Variants in SNCAIP observed in about 807,000 individuals in gnomAD.
SNCAIP encodes the protein synuclein alpha interacting protein.
Under a neutral mutation model 86.7 loss-of-function variants are expected in SNCAIP, and 43 were observed. That is an observed-to-expected ratio of 0.50 (90% CI 0.39 to 0.64). The LOEUF (loss-of-function observed/expected upper bound fraction) is 0.64. Among genes scored for constraint, SNCAIP ranks in the 30% least tolerant of loss-of-function variants. The pLI, the probability that SNCAIP is intolerant of heterozygous loss-of-function variation, is 0.00. For missense variants in SNCAIP, 981 were observed against 1,103.1 expected, an observed-to-expected ratio of 0.89 and a Z score of 1.57; for synonymous variants, 417 against 427.2, an observed-to-expected ratio of 0.98 and a Z score of 0.29.
intron 1 of SNCAIP, among the ~76,000 whole-genome samples, chr5:122,316,076 T>C (rs891887853): frequency 6.6e-6 from 1 of 152,142 alleles, no homozygotes; most frequent in African/African-American, 2.4e-5. Flanking sequence ...AAGAGATAAA[T>C]TGAATGTCAA....
chr5:122,374,216 G>C (rs952805933), intron 1 of SNCAIP, among the ~76,000 whole-genome samples: 15 of 152,142 alleles, frequency 9.9e-5, no homozygotes, highest in Non-Finnish European at 2.1e-4. Flanking sequence ...GAAATCCTTA[G>C]AGGGGCCAAG....
At chr5:122,462,613 C>T (rs533416925) in intron 10 of SNCAIP, among the ~76,000 whole-genome samples, 2 of 152,102 alleles carry the variant, frequency 1.3e-5, no homozygotes, top group African/African-American at 4.8e-5. Context: ...AAATATATTC[C>T]AGCACACTGA....
chr5:122,384,126 C>A (rs1005109815), intron 1 of SNCAIP, among the ~76,000 whole-genome samples: 1 of 152,110 alleles, frequency 6.6e-6, no homozygotes, highest in African/African-American at 2.4e-5. Flanking sequence ...GGAATTCTGA[C>A]CTAGATGGTT....
chr5:122,420,529 A>G (rs867981444), intron 3 of SNCAIP, among the ~76,000 whole-genome samples: 1 of 152,140 alleles, frequency 6.6e-6, no homozygotes, highest in Non-Finnish European at 1.5e-5. Context: ...GCAAAATATT[A>G]CTAAATATAC....
chr5:122,402,012 T>G (rs1771924550), intron 2 of SNCAIP, among the ~76,000 whole-genome samples: 1 of 152,100 alleles, frequency 6.6e-6, no homozygotes. Flanking sequence ...GAACAAACCT[T>G]AGTGAATTTT....
intron 5 of SNCAIP, among the ~76,000 whole-genome samples, chr5:122,430,531 T>G (rs531867655): frequency 2.6e-4 from 39 of 152,302 alleles, no homozygotes; most frequent in African/African-American, 8.4e-4. Context: ...TTGTCCATGG[T>G]CTTGCAACTA....
intron 9 of SNCAIP, among the ~76,000 whole-genome samples, 194 bp downstream of exon 9, chr5:122,450,131 T>G (rs530878780): frequency 6.6e-5 from 10 of 152,346 alleles, no homozygotes; most frequent in African/African-American, 2.4e-4. Flanking sequence ...ATTCTCTGAT[T>G]CTGCTATTTC....
At chr5:122,323,426 G>A (rs1753391215) in intron 1 of SNCAIP, 1 of 152,216 alleles carries the variant, frequency 6.6e-6, no homozygotes. Context: ...GATTTGGTGA[G>A]AAGGATGTGA....
At chr5:122,426,622 AAAAT>A (rs1310515588) in intron 5 of SNCAIP, among the ~76,000 whole-genome samples, 3 of 152,228 alleles carry the variant, frequency 2.0e-5, no homozygotes, top group Non-Finnish European at 4.4e-5. Context: ...TTTTTTAAAT[AAAAT>A]AAATCTATGA....
chr5:122,315,074 T>C (rs1265675768), intron 1 of SNCAIP, among the ~76,000 whole-genome samples: 1 of 152,256 alleles, frequency 6.6e-6, no homozygotes, highest in Non-Finnish European at 1.5e-5. Flanking sequence ...CAGTTATTCA[T>C]TGCTGGATAA....
intron 2 of SNCAIP, among the ~76,000 whole-genome samples, chr5:122,391,957 G>A (rs1014160108): frequency 9.2e-5 from 14 of 152,336 alleles, no homozygotes; most frequent in African/African-American, 3.1e-4. Flanking sequence ...GTGATGAGAA[G>A]GTTGCTGTTT....
chr5:122,369,537 T>C (rs1382984448), intron 1 of SNCAIP, among the ~76,000 whole-genome samples: 3 of 152,230 alleles, frequency 2.0e-5, no homozygotes, highest in Non-Finnish European at 2.9e-5. Context: ...CTGGCCCATA[T>C]AAATTCTCCC....
At chr5:122,415,998 T>C (rs922663275) in intron 3 of SNCAIP, among the ~76,000 whole-genome samples, 3 of 152,208 alleles carry the variant, frequency 2.0e-5, no homozygotes, top group African/African-American at 7.2e-5. Flanking sequence ...ACCCCACCAA[T>C]TGCTGTTCTA....
At chr5:122,387,545 G>A (rs975548802) in intron 1 of SNCAIP, among the ~76,000 whole-genome samples, 3 of 152,210 alleles carry the variant, frequency 2.0e-5, no homozygotes, top group Admixed American at 2.0e-4. Flanking sequence ...GGCCTCAGTA[G>A]GTTGGCTCTC....
intron 3 of SNCAIP, among the ~76,000 whole-genome samples, chr5:122,414,168 C>G (rs1450661493): frequency 1.3e-5 from 2 of 151,978 alleles, no homozygotes; most frequent in African/African-American, 2.4e-5. Context: ...CTCAACCCCC[C>G]AAAGCACTGA....
At chr5:122,331,135 C>T (rs1168966093) in intron 1 of SNCAIP, among the ~76,000 whole-genome samples, 1 of 152,168 alleles carries the variant, frequency 6.6e-6, no homozygotes, top group Non-Finnish European at 1.5e-5. Context: ...TTTGCTTGCT[C>T]ACTGCTGTTC....
intron 10 of SNCAIP, chr5:122,452,962 T>C: frequency 6.5e-7 from 1 of 1,549,240 alleles, no homozygotes; most frequent in Admixed American, 2.0e-5. Flanking sequence ...TCCTCTAACA[T>C]GCTGATTGAA....
intron 1 of SNCAIP, among the ~76,000 whole-genome samples, chr5:122,319,041 A>G (rs1752404346): frequency 6.7e-6 from 1 of 150,090 alleles, no homozygotes; most frequent in Non-Finnish European, 1.5e-5. Context: ...TCTGCCACTA[A>G]GCTCCTTCCT....
At chr5:122,366,002 T>C (rs1763114825) in intron 1 of SNCAIP, among the ~76,000 whole-genome samples, 1 of 152,106 alleles carries the variant, frequency 6.6e-6, no homozygotes, top group African/African-American at 2.4e-5. Flanking sequence ...ACCCCTAAGC[T>C]GAGTTTTTGA....
Sources: gnomAD v4.1 joint callset for allele counts (sites outside exome capture counted in the v4.1 genomes callset) on GRCh38, gnomAD v4.1.1 for gene constraint, MANE v1.5 for transcripts, NCBI Gene and HGNC (gene_info 2026-07-23, HGNC 2026-07-21) for gene names.